VGLL4: variants seen among roughly 807,000 people sequenced by gnomAD.
VGLL4 encodes vestigial like family member 4.
A neutral mutation model predicts 21.0 loss-of-function variants in VGLL4; 7 were observed. That is an observed-to-expected ratio of 0.33 (90% CI 0.19 to 0.63). VGLL4 has a LOEUF of 0.63. VGLL4 is among the 20% of genes least tolerant of loss of function. VGLL4 has a pLI of 0.78. For synonymous variants in VGLL4, 222 were observed against 173.2 expected (o/e 1.28, Z -2.21); for missense variants, 394 against 425.7 (o/e 0.93, Z 0.66).
intron 2 of VGLL4, among the ~76,000 whole-genome samples, chr3:11,650,101 T>G (rs1200050915): frequency 1.3e-5 from 2 of 152,130 alleles, no homozygotes; most frequent in African/African-American, 4.8e-5. Context: ...TAACTTTTTT[T>G]TTTAATCATT....
At chr3:11,566,251 T>C (rs1398519221) in intron 2 of VGLL4, among the ~76,000 whole-genome samples, 1 of 152,178 alleles carries the variant, frequency 6.6e-6, no homozygotes, top group Non-Finnish European at 1.5e-5. Flanking sequence ...ACGCATGTGA[T>C]AGGCGTACCT....
intron 1 of VGLL4, among the ~76,000 whole-genome samples, chr3:11,608,416 G>A (rs931510644): frequency 6.6e-6 from 1 of 152,072 alleles, no homozygotes; most frequent in Middle Eastern, 3.2e-3. Flanking sequence ...CTAACACATG[G>A]ATCAATAATA....
chr3:11,712,287 C>A (rs1455461918), intron 1 of VGLL4, among the ~76,000 whole-genome samples: 1 of 152,130 alleles, frequency 6.6e-6, no homozygotes, highest in African/African-American at 2.4e-5. Context: ...GTCATTTACC[C>A]TCTCCAGGCC....
At chr3:11,664,805 T>A (rs1314599871) in intron 2 of VGLL4, among the ~76,000 whole-genome samples, 1 of 152,190 alleles carries the variant, frequency 6.6e-6, no homozygotes, top group African/African-American at 2.4e-5. Flanking sequence ...TTTATAGATC[T>A]TTTTTAAAAT....
At chr3:11,671,470 G>C (rs2076215648) in intron 2 of VGLL4, 2 of 693,660 alleles carry the variant, frequency 2.9e-6, no homozygotes, top group Non-Finnish European at 2.6e-6. Context: ...TTGGTCCCAG[G>C]ACCCCCAGGT....
intron 3 of VGLL4, among the ~76,000 whole-genome samples, chr3:11,560,056 A>C: frequency 6.7e-6 from 1 of 149,654 alleles, no homozygotes; most frequent in Admixed American, 6.7e-5. Context: ...TCTCTCCTTC[A>C]CCCCCACCCC....
At chr3:11,690,012 C>A (rs1412634808) in intron 2 of VGLL4, among the ~76,000 whole-genome samples, 2 of 152,146 alleles carry the variant, frequency 1.3e-5, no homozygotes, top group South Asian at 2.1e-4. Context: ...GGCCCCAACA[C>A]CCCCTCAAGG....
chr3:11,583,945 C>T (rs1039939330), intron 2 of VGLL4, among the ~76,000 whole-genome samples: 14 of 152,214 alleles, frequency 9.2e-5, no homozygotes, highest in Non-Finnish European at 8.8e-5. Flanking sequence ...CTCCGCTCCA[C>T]GGCAGACATG....
At chr3:11,641,009 C>T (rs983182929) in intron 1 of VGLL4, among the ~76,000 whole-genome samples, 3 of 150,988 alleles carry the variant, frequency 2.0e-5, no homozygotes, top group Non-Finnish European at 2.9e-5. Context: ...CCCAGCTACT[C>T]AGGAGGCTGT....
chr3:11,688,495 A>G (rs2076482163), intron 2 of VGLL4, among the ~76,000 whole-genome samples: 1 of 151,812 alleles, frequency 6.6e-6, no homozygotes, highest in African/African-American at 2.4e-5. Context: ...TTTCATCTAC[A>G]TTTTCCATTT....
At chr3:11,647,231 C>T (rs1052276018), upstream of VGLL4, among the ~76,000 whole-genome samples, 5 of 152,126 alleles carry the variant, frequency 3.3e-5, no homozygotes, top group Non-Finnish European at 7.4e-5. Flanking sequence ...TTCAAGCACA[C>T]TGGATGACCT....
chr3:11,566,753 T>C (rs1237286672), intron 2 of VGLL4, among the ~76,000 whole-genome samples: 1 of 152,066 alleles, frequency 6.6e-6, no homozygotes, highest in Admixed American at 6.6e-5. Context: ...AAACCTTTAA[T>C]ACAGAATCCA....
Position 11,657,503 on chromosome 3 carries a change from A to G in VGLL4, c.64+45468T>C, listed in dbSNP as rs532253721. On this transcript the variant is annotated intron_variant, in intron 2 of 5. Coordinates refer to the VGLL4 transcript ENST00000273038. ...ATTTTCCTGCTGGTATGAATTAACAATAACAATTACAGGGAACAATGGTGA... is the reference window on the plus strand; with the variant it reads ...ATTTTCCTGCTGGTATGAATTAACAGTAACAATTACAGGGAACAATGGTGA... Among the ~76,000 whole-genome samples the G allele has an allele frequency of 4.5e-5, 6 of 132,462 alleles. No individual in the cohort carries two copies. The East Asian group carries it at 8.9e-4, about 20-fold the overall frequency. 86.9% of individuals were successfully genotyped at this position (132,462 alleles called of 152,430 possible).
intron 2 of VGLL4, among the ~76,000 whole-genome samples, chr3:11,570,725 G>C (rs554050586): frequency 1.3e-5 from 2 of 152,114 alleles, no homozygotes; most frequent in Non-Finnish European, 2.9e-5. Context: ...TTAAATGTTG[G>C]GCATAAACAG....
intron 1 of VGLL4, among the ~76,000 whole-genome samples, chr3:11,610,022 T>A (rs2075026751): frequency 6.6e-6 from 1 of 152,180 alleles, no homozygotes; most frequent in East Asian, 1.9e-4. Flanking sequence ...CCCTTTATCA[T>A]GTTTGAACCT....
chr3:11,568,483 G>A lies in VGLL4; in HGVS notation c.273-3464C>T. Reference sequence around the variant, plus strand: ...AAGGGGACTTCCAGGCCCACTAACTGGAAAGACAGTCCGTGGAACACAGCA... The same window carrying A: ...AAGGGGACTTCCAGGCCCACTAACTAGAAAGACAGTCCGTGGAACACAGCA... On this transcript the variant is annotated intron_variant, in intron 2 of 4. Coordinates refer to ENST00000430365, the MANE Select transcript of VGLL4 (RefSeq NM_001128219.3). The surrounding 1 kb of genome is among the most constrained non-coding windows in gnomAD (Gnocchi z 5.9). 7.2e-7 allele frequency: 1 copy of A among 1,383,370 alleles called. No individual in the cohort carries two copies. The highest frequency in any genetic ancestry group is 1.0e-6 in the Non-Finnish European group (1 of 1,001,412). The allele number at this position is 1,383,370 out of a possible 1,614,324, so 85.7% of individuals were successfully genotyped here.
chr3:11,702,643 A>G (rs2076697969), intron 2 of VGLL4: 1 of 153,970 alleles, frequency 6.5e-6, no homozygotes, highest in African/African-American at 2.4e-5. Context: ...AAATAAATAA[A>G]TTAAATTAAA....
intron 2 of VGLL4, among the ~76,000 whole-genome samples, chr3:11,681,617 GA>G (rs369241167): frequency 7.4e-4 from 113 of 152,162 alleles, no homozygotes; most frequent in South Asian, 2.9e-3. Context: ...CTATTAGGAT[GA>G]AAAAAATGTT....
intron 2 of VGLL4, among the ~76,000 whole-genome samples, chr3:11,682,404 C>CA (rs34428676): frequency 0.12 from 7,585 of 62,200 alleles, 646 homozygotes; most frequent in Admixed American, 0.17. Context: ...GACCCTGTCT[C>CA]AAAAAAAAAA....
Sources: gnomAD v4.1 joint callset for allele counts (sites outside exome capture counted in the v4.1 genomes callset) on GRCh38, gnomAD v4.1.1 for gene constraint, Gnocchi (gnomAD v3.1) non-coding constraint, MANE v1.5 for transcripts, NCBI Gene and HGNC (gene_info 2026-07-23, HGNC 2026-07-21) for gene names.